The following CCDC175 variants were observed in gnomAD, a reference collection of about 807,000 sequenced individuals.
CCDC175 encodes the protein coiled-coil domain containing 175.
In CCDC175, 100 loss-of-function variants were observed where a neutral mutation model predicts 114.6. The ratio of observed to expected loss-of-function variants is 0.87; its 90% CI spans 0.74 to 1.03. The LOEUF (loss-of-function observed/expected upper bound fraction) is 1.03. Ranked by LOEUF, CCDC175 falls within the 50% of genes least tolerant of loss-of-function variation. CCDC175 has a pLI of 0.00. For missense variants in CCDC175, 880 were observed against 917.8 expected, an observed-to-expected ratio of 0.96 and a Z score of 0.53; for synonymous variants, 306 against 308.7, an observed-to-expected ratio of 0.99 and a Z score of 0.09.
chr14:59,526,945 A>G (rs8011271), intron 15 of CCDC175, 150 bp downstream of exon 15: 237,726 of 513,586 alleles, frequency 0.46, 58,864 homozygotes, highest in African/African-American at 0.71. Context: ...TATATGTGTT[A>G]TAACAAAGAT....
At chr14:59,536,426 C>G (rs1445236840) in intron 13 of CCDC175, among the ~76,000 whole-genome samples, 2 of 151,990 alleles carry the variant, frequency 1.3e-5, no homozygotes, top group South Asian at 2.1e-4. Flanking sequence ...ATCCAATATA[C>G]TACTTGTTCA....
chr14:59,545,724 C>A (rs568367025), intron 8 of CCDC175, among the ~76,000 whole-genome samples: 1 of 152,184 alleles, frequency 6.6e-6, no homozygotes, highest in South Asian at 2.1e-4. Context: ...AAAAATAGTA[C>A]CCACCAGTGT....
At chr14:59,560,999 T>A in intron 7 of CCDC175, 120 bp downstream of exon 7, 1 of 543,312 alleles carries the variant, frequency 1.8e-6, no homozygotes. Context: ...ACTAAGAGAA[T>A]ATAATTTTCA....
At chr14:59,541,438 T>C (rs754885036) in intron 10 of CCDC175, among the ~76,000 whole-genome samples, 2 of 152,178 alleles carry the variant, frequency 1.3e-5, no homozygotes, top group Non-Finnish European at 1.5e-5. Context: ...TGGACAGAAA[T>C]GAATTGAAAG....
At chr14:59,557,865 A>G (rs192484689) in intron 7 of CCDC175, among the ~76,000 whole-genome samples, 2 of 152,302 alleles carry the variant, frequency 1.3e-5, no homozygotes, top group East Asian at 3.9e-4. Flanking sequence ...CAGCATATGC[A>G]AGGTCCCTAC....
At chr14:59,538,509 C>G (rs1028521717) in intron 12 of CCDC175, among the ~76,000 whole-genome samples, 196 bp downstream of exon 12, 1 of 152,220 alleles carries the variant, frequency 6.6e-6, no homozygotes, top group Non-Finnish European at 1.5e-5. Flanking sequence ...GCATATTCTA[C>G]TGTATTTGCT....
intron 4 of CCDC175, 99 bp from the exon 5 acceptor site, chr14:59,565,374 G>A (rs1896474353): frequency 1.1e-6 from 1 of 936,244 alleles, no homozygotes; most frequent in Non-Finnish European, 1.6e-6. Context: ...AAAAGTGTAA[G>A]GAATACTTAT....
intron 3 of CCDC175, among the ~76,000 whole-genome samples, chr14:59,570,351 G>C (rs1896776319): frequency 6.6e-6 from 1 of 152,046 alleles, no homozygotes; most frequent in Non-Finnish European, 1.5e-5. Context: ...TGAACATTGT[G>C]CCAGCTGGTA....
chr14:59,540,601 GTTCA>G lies in CCDC175; in HGVS notation c.1355+70_1355+73del, dbSNP rs1894716453. Reference sequence around the variant, plus strand: ...CTAGTAACAACAAGTACTCTGCACTGTTCATTAAGATAACATATACTGCTGATAA... The same window carrying G: ...CTAGTAACAACAAGTACTCTGCACTGTTAAGATAACATATACTGCTGATAA... On this transcript the variant is annotated intron_variant, in intron 11 of 19. Coordinates refer to ENST00000537690, the MANE Select transcript of CCDC175 (RefSeq NM_001164399.2). The G allele has an allele frequency of 2.1e-6, 3 of 1,412,390 alleles. No homozygotes were observed. In the East Asian group the frequency reaches 7.8e-5, roughly 37 times the overall value. The allele number at this position is 1,412,390 out of a possible 1,614,324, so 87.5% of individuals were successfully genotyped here.
chr14:59,516,890 C>T (rs1313710560), intron 17 of CCDC175, among the ~76,000 whole-genome samples: 13 of 152,118 alleles, frequency 8.5e-5, no homozygotes, highest in Admixed American at 2.0e-4. Flanking sequence ...AGACCAATAT[C>T]CCTGATGAAC....
At chr14:59,563,318 T>C (rs1017983336) in intron 6 of CCDC175, among the ~76,000 whole-genome samples, 5 of 152,180 alleles carry the variant, frequency 3.3e-5, no homozygotes, top group South Asian at 2.1e-4. Context: ...CTCCTTTACA[T>C]ATTAATGTTG....
At position 59,575,504 on chromosome 14, in the gene CCDC175, CCT is replaced by C. The variant is rs1897058445; in HGVS notation, c.158-478_158-477del. On this transcript the variant is annotated intron_variant, in intron 1 of 19. Coordinates refer to ENST00000537690, the MANE Select transcript of CCDC175 (RefSeq NM_001164399.2). Reference sequence around the variant, plus strand: ...TTAGGTCTCCTCAGTGGGTAACATTCCTTTTTTTTTTTTTTTTTTTTTTGAGA... The same window carrying C: ...TTAGGTCTCCTCAGTGGGTAACATTCTTTTTTTTTTTTTTTTTTTTTGAGA... Among the ~76,000 whole-genome samples the C allele has an allele frequency of 2.9e-5, 3 of 102,216 alleles. No individual in the cohort carries two copies. The South Asian group carries it at 9.3e-4, about 32-fold the overall frequency. 67.1% of individuals were successfully genotyped at this position (102,216 alleles called of 152,430 possible).
At chr14:59,564,373 C>T (rs1026372637) in intron 5 of CCDC175, 1 of 152,990 alleles carries the variant, frequency 6.5e-6, no homozygotes, top group Non-Finnish European at 1.5e-5. Flanking sequence ...TATCACAGTG[C>T]CACTTGTTAG....
chr14:59,573,315 T>A (rs1566642833), intron 2 of CCDC175, among the ~76,000 whole-genome samples: 1 of 152,106 alleles, frequency 6.6e-6, no homozygotes, highest in South Asian at 2.1e-4. Context: ...AATAGATAAA[T>A]CATCTTTTAA....
chr14:59,554,395 T>A (rs905720183), intron 7 of CCDC175, among the ~76,000 whole-genome samples: 1 of 152,132 alleles, frequency 6.6e-6, no homozygotes, highest in African/African-American at 2.4e-5. Context: ...AAGGCAGAAA[T>A]AAAGATGTTC....
At chr14:59,515,337 G>A (rs1893011329) in intron 17 of CCDC175, among the ~76,000 whole-genome samples, 1 of 152,178 alleles carries the variant, frequency 6.6e-6, no homozygotes, top group Non-Finnish European at 1.5e-5. Flanking sequence ...AAATGTAAAT[G>A]GGCTAAATGC....
rs1305679219 is a variant in CCDC175 at position 59,545,260 on chromosome 14, C to A, written c.1075G>T (p.Asp359Tyr). 6.5e-7 allele frequency: 1 copy of A among 1,536,678 alleles called. No individual in the cohort carries two copies. The highest frequency in any genetic ancestry group is 1.2e-5 in the South Asian group (1 of 84,014). The part of the protein sequence containing the change: ...TLHAARMEYK[D>Y]LREKMKTLAR... Reference sequence around the variant, plus strand: ...AGAGTTTTCATTTTCTCTCGTAGGTCTTTGTATTCCATACGAGCAGCATGC... The same window carrying A: ...AGAGTTTTCATTTTCTCTCGTAGGTATTTGTATTCCATACGAGCAGCATGC... The change falls in exon 9 of 20, where the codon GAC (aspartate) becomes TAC (tyrosine). Residue 359 changes from aspartate (D) to tyrosine (Y), a missense_variant. Transcript: ENST00000537690.
At chr14:59,516,320 A>G (rs183206115) in intron 17 of CCDC175, among the ~76,000 whole-genome samples, 2 of 152,354 alleles carry the variant, frequency 1.3e-5, no homozygotes, top group East Asian at 3.9e-4. Flanking sequence ...CTAAGATCAG[A>G]GCAGAACTGA....
chr14:59,518,732 A>G (rs535441687), intron 17 of CCDC175, among the ~76,000 whole-genome samples: 48 of 152,298 alleles, frequency 3.2e-4, no homozygotes, highest in African/African-American at 1.1e-3. Flanking sequence ...ACTGTAAACT[A>G]GTTCAACCAT....
Sources: allele counts gnomAD v4.1 joint callset (sites outside exome capture counted in the v4.1 genomes callset), GRCh38; gene constraint gnomAD v4.1.1; transcripts MANE v1.5; gene names NCBI Gene and HGNC (gene_info 2026-07-23, HGNC 2026-07-21).